MYO1E: variants seen among roughly 807,000 people sequenced by gnomAD.
The protein encoded by MYO1E is unconventional myosin-Ie.
Under a neutral mutation model 151.1 loss-of-function variants are expected in MYO1E, and 68 were observed. The ratio of observed to expected loss-of-function variants is 0.45; its 90% CI spans 0.37 to 0.55. The LOEUF (loss-of-function observed/expected upper bound fraction) is 0.55. Among genes scored for constraint, MYO1E ranks in the 20% least tolerant of loss-of-function variants. The pLI is 0.00. For missense variants in MYO1E, 1,363 were observed against 1,389.3 expected (o/e 0.98, Z 0.30); for synonymous variants, 601 against 501.7 (o/e 1.20, Z -2.64).
chr15:59,239,209 A>ATAT (rs1437893304), intron 4 of MYO1E, among the ~76,000 whole-genome samples: 1 of 121,042 alleles, frequency 8.3e-6, no homozygotes, highest in Non-Finnish European at 1.6e-5. Flanking sequence ...TGTGTCAAAA[A>ATAT]ATATATATAT....
intron 1 of MYO1E, among the ~76,000 whole-genome samples, chr15:59,299,988 A>C (rs2080472433): frequency 6.6e-6 from 1 of 152,232 alleles, no homozygotes. Flanking sequence ...AAGGTTTTAA[A>C]TATCCTAACT....
rs202237883 is a variant in MYO1E at position 59,161,180 on chromosome 15, C to T, written c.2678G>A (p.Gly893Asp). 710 of 1,613,956 alleles carry T rather than the reference C, an allele frequency of 4.4e-4. 1 individual carries two copies. Among genetic ancestry groups the T allele is most frequent in the Non-Finnish European group, 5.5e-4 (650 of 1,179,956 alleles). The change falls in exon 24 of 28, where the codon GGC (glycine) becomes GAC (aspartate). Residue 893 changes from glycine to aspartate, a missense_variant. Physicochemically the swap from Gly to Asp is moderately conservative, Grantham distance 94 (BLOSUM62 -1). Transcript: ENST00000288235. ...TTGGTGGAACTGCACTTGCCGGGAG[C>T]CCCCTGCACTCCAGGGGCCCCAGTT... ...KENWGPWSAG[G>D]SRQVQFHQGF...
chr15:59,148,138 AATT>A (rs1324317432), intron 26 of MYO1E, among the ~76,000 whole-genome samples: 6 of 152,382 alleles, frequency 3.9e-5, no homozygotes, highest in South Asian at 4.1e-4. Context: ...GGGTTTTCAA[AATT>A]ATTATATTAG....
intron 18 of MYO1E, among the ~76,000 whole-genome samples, chr15:59,187,211 A>C (rs1395443020): frequency 6.6e-6 from 1 of 152,262 alleles, no homozygotes; most frequent in Non-Finnish European, 1.5e-5. Flanking sequence ...TCTACAATAA[A>C]TAACAGTAAA....
chr15:59,324,670 C>CCCCA (rs2080651895), intron 1 of MYO1E, among the ~76,000 whole-genome samples: 8 of 151,574 alleles, frequency 5.3e-5, no homozygotes, highest in South Asian at 2.1e-4. Flanking sequence ...CAAGCCCCCC[C>CCCCA]CCCACAGAGG....
intron 24 of MYO1E, 127 bp downstream of exon 24, chr15:59,160,946 T>G: frequency 3.1e-6 from 4 of 1,297,422 alleles, no homozygotes; most frequent in Non-Finnish European, 4.4e-6. Flanking sequence ...GAAGAAAGCG[T>G]GAGCCCCAGC....
intron 10 of MYO1E, among the ~76,000 whole-genome samples, chr15:59,216,643 A>AGGGTGTGTGTGTGTGTGTGT (rs2079917110): frequency 2.3e-5 from 1 of 43,452 alleles, no homozygotes. Flanking sequence ...AAGGGCCCCC[A>AGGGTGTGTGTGTGTGTGTGT]GTGTGTGTGT....
At position 59,191,332 on chromosome 15, in the gene MYO1E, C is replaced by CAGAGAGAGAGAGAGAGAG. The variant is rs34694267; in HGVS notation, c.1806-3134_1806-3117dup. 8.5e-3 allele frequency among the ~76,000 whole-genome samples: 898 copies of CAGAGAGAGAGAGAGAGAG among 105,616 alleles called. 17 individuals are homozygous for CAGAGAGAGAGAGAGAGAG. The highest frequency in any genetic ancestry group is 0.024 in the African/African-American group (685 of 28,944). The allele number at this position is 105,616 out of a possible 152,430, so 69.3% of individuals were successfully genotyped here. ...CCCATATAAGTCAGACAGACAGAGA[C>CAGAGAGAGAGAGAGAGAG]AGAGAGAGAGAGAGAGAGAGAGAGA... On this transcript the variant is annotated intron_variant, in intron 17 of 27. Transcript: ENST00000288235.
At chr15:59,323,115 G>C (rs1399355811) in intron 1 of MYO1E, among the ~76,000 whole-genome samples, 3 of 139,258 alleles carry the variant, frequency 2.2e-5, no homozygotes, top group Non-Finnish European at 1.5e-5. Flanking sequence ...CTTGCAGTGA[G>C]CCGAGATCGC....
intron 26 of MYO1E, among the ~76,000 whole-genome samples, chr15:59,152,570 C>T (rs1411189285): frequency 2.0e-5 from 3 of 152,158 alleles, no homozygotes; most frequent in Non-Finnish European, 4.4e-5. Flanking sequence ...ACCCTGTCAC[C>T]GTCATTACCA....
At chr15:59,342,889 AG>A (rs1192140287) in intron 1 of MYO1E, among the ~76,000 whole-genome samples, 1 of 152,202 alleles carries the variant, frequency 6.6e-6, no homozygotes, top group African/African-American at 2.4e-5. Context: ...AAAAGCAAAA[AG>A]ACAACCAATA....
chr15:59,249,609 G>C (rs1266638011), intron 4 of MYO1E, among the ~76,000 whole-genome samples: 1 of 152,014 alleles, frequency 6.6e-6, no homozygotes, highest in Non-Finnish European at 1.5e-5. Context: ...AGTCACACCA[G>C]GGAAACTGGG....
chr15:59,180,499 T>C (rs1035499658), intron 18 of MYO1E, among the ~76,000 whole-genome samples: 3 of 152,128 alleles, frequency 2.0e-5, no homozygotes, highest in Non-Finnish European at 2.9e-5. Context: ...AATGGGTCTT[T>C]ATGGCAATTC....
At chr15:59,189,008 T>C (rs1320690874) in intron 17 of MYO1E, among the ~76,000 whole-genome samples, 1 of 152,248 alleles carries the variant, frequency 6.6e-6, no homozygotes, top group Non-Finnish European at 1.5e-5. Context: ...AGTGTGTACA[T>C]TAAAAATGGT....
intron 9 of MYO1E, among the ~76,000 whole-genome samples, chr15:59,221,519 A>T (rs2079956407): frequency 6.6e-6 from 1 of 152,198 alleles, no homozygotes; most frequent in Non-Finnish European, 1.5e-5. Flanking sequence ...CTTTCACTGC[A>T]TACCCCCTCA....
chr15:59,292,496 C>T (rs1159058093), intron 1 of MYO1E, among the ~76,000 whole-genome samples: 1 of 152,194 alleles, frequency 6.6e-6, no homozygotes, highest in Non-Finnish European at 1.5e-5. Flanking sequence ...GACAACAATA[C>T]GAAATGCTAC....
chr15:59,360,537 C>T (rs1393170916), intron 1 of MYO1E, among the ~76,000 whole-genome samples: 1 of 152,186 alleles, frequency 6.6e-6, no homozygotes, highest in Non-Finnish European at 1.5e-5. Context: ...ATTCATTGCT[C>T]TCTAACTTTG....
At chr15:59,165,936 G>A (rs58583822) in intron 22 of MYO1E, among the ~76,000 whole-genome samples, 49,628 of 151,788 alleles carry the variant, frequency 0.33, 9,013 homozygotes, top group East Asian at 0.57. Context: ...CTGGTGGCCT[G>A]GCTGAACTGT....
chr15:59,315,533 C>A (rs1163358324), intron 1 of MYO1E, among the ~76,000 whole-genome samples: 1 of 149,190 alleles, frequency 6.7e-6, no homozygotes, highest in Non-Finnish European at 1.5e-5. Flanking sequence ...TGCACATGTA[C>A]CCTAGAACTA....
Sources: allele counts gnomAD v4.1 joint callset (sites outside exome capture counted in the v4.1 genomes callset), GRCh38; gene constraint gnomAD v4.1.1; transcripts MANE v1.5; gene names NCBI Gene and HGNC (gene_info 2026-07-23, HGNC 2026-07-21).